Variants in ADAMTS2 observed in about 807,000 individuals in gnomAD.
ADAMTS2 encodes the protein ADAM metallopeptidase with thrombospondin type 1 motif 2.
Under a neutral mutation model 123.0 loss-of-function variants are expected in ADAMTS2, and 50 were observed. The observed-to-expected ratio is 0.41, with a 90% confidence interval of 0.32 to 0.51. The LOEUF (loss-of-function observed/expected upper bound fraction) is 0.51, where lower values mean the gene tolerates loss of function less well. Ranked by LOEUF, ADAMTS2 falls within the 20% of genes least tolerant of loss-of-function variation. The pLI is 0.35. For missense variants in ADAMTS2, 1,494 were observed against 1,705.2 expected (o/e 0.88, Z 2.18); for synonymous variants, 678 against 695.4 (o/e 0.98, Z 0.39).
At chr5:179,322,308 G>A (rs760667915) in intron 2 of ADAMTS2, among the ~76,000 whole-genome samples, 16 of 152,178 alleles carry the variant, frequency 1.1e-4, no homozygotes, top group East Asian at 5.8e-4. Flanking sequence ...ATGCACCCAC[G>A]GCCCGTGCCT....
chr5:179,245,742 G>A (rs1212609045), intron 3 of ADAMTS2, among the ~76,000 whole-genome samples: 2 of 113,734 alleles, frequency 1.8e-5, no homozygotes, highest in Non-Finnish European at 3.3e-5. Context: ...CTCCAGCCTG[G>A]GCGACAGAGC....
intron 2 of ADAMTS2, among the ~76,000 whole-genome samples, chr5:179,294,301 G>A (rs553448207): frequency 6.6e-6 from 1 of 152,266 alleles, no homozygotes; most frequent in East Asian, 1.9e-4. Context: ...GTTGATGAAG[G>A]CACGCAGCCT....
chr5:179,259,879 A>G (rs960431753), intron 3 of ADAMTS2, among the ~76,000 whole-genome samples: 1 of 152,248 alleles, frequency 6.6e-6, no homozygotes, highest in African/African-American at 2.4e-5. Flanking sequence ...CCATGAGACC[A>G]CAGGGAGGAA....
At position 179,115,082 on chromosome 5, in the gene ADAMTS2, G is replaced by A. The variant is rs146299908; in HGVS notation, c.3179-758C>T. Among the ~76,000 whole-genome samples, 5 of 152,096 alleles carry A rather than the reference G, an allele frequency of 3.3e-5. No homozygotes were observed. The South Asian group carries it at 6.2e-4, about 19-fold the overall frequency. ...CGTGCTGCCCTCACATAGATTAATC[G>A]TTCCACCCTGCACATCTTTCTCTTT... On this transcript the variant is annotated intron_variant, in intron 21 of 21. Coordinates refer to ENST00000251582, the MANE Select transcript of ADAMTS2 (RefSeq NM_014244.5). The surrounding 1 kb of genome is among the most constrained non-coding windows in gnomAD (Gnocchi z 4.4).
intron 4 of ADAMTS2, among the ~76,000 whole-genome samples, chr5:179,183,759 A>G (rs1198492766): frequency 6.6e-6 from 1 of 152,174 alleles, no homozygotes; most frequent in African/African-American, 2.4e-5. Context: ...TTGCAAGGCT[A>G]CTGCAGAGGG....
chr5:179,344,103 G>A lies in ADAMTS2; in HGVS notation c.198C>T (p.Ala66=). 1 of 1,609,386 alleles carries A rather than the reference G, an allele frequency of 6.2e-7. No homozygotes were observed. The highest frequency in any genetic ancestry group is 8.5e-7 in the Non-Finnish European group (1 of 1,178,000). ...RILAVPVRTD[A]QGRLVSHVVS... ...CCACGTGGGACACCAAGCGGCCCTG[G>A]GCGTCAGTGCGCACGGGCACCGCCA... The change falls in exon 2 of 22, where the codon GCC becomes GCT. Residue 66 remains alanine (A), a synonymous_variant. Coordinates refer to ENST00000251582, the MANE Select transcript of ADAMTS2 (RefSeq NM_014244.5).
intron 3 of ADAMTS2, among the ~76,000 whole-genome samples, chr5:179,263,492 A>G (rs1766284332): frequency 6.6e-6 from 1 of 152,218 alleles, no homozygotes; most frequent in Non-Finnish European, 1.5e-5. Flanking sequence ...CTCTCCACAC[A>G]GGCCCAGTGC....
In ADAMTS2 at chr5:179,185,700, G is replaced by A. The variant is rs114517655; in HGVS notation, c.892-4545C>T. 4.0e-3 allele frequency among the ~76,000 whole-genome samples: 604 copies of A among 152,082 alleles called. 5 individuals carry two copies. The highest frequency in any genetic ancestry group is 0.014 in the African/African-American group (570 of 41,500). ...TCACATTCTGCTTGGAGGTGGGGTC[G>A]AGGCAGCTGAGCCCTGGGGTGTCAG... On this transcript the variant is annotated intron_variant, in intron 4 of 21. Coordinates refer to ENST00000251582, the MANE Select transcript of ADAMTS2 (RefSeq NM_014244.5). This position sits in a 1 kb window ranked among gnomAD's most constrained non-coding sequence, Gnocchi z 5.9.
rs555561167 is a variant in ADAMTS2 at position 179,262,464 on chromosome 5, C to T, written c.688+10447G>A. 4.6e-5 allele frequency among the ~76,000 whole-genome samples: 7 copies of T among 152,194 alleles called. No individual in the cohort carries two copies. In the South Asian group the frequency reaches 1.0e-3, roughly 23 times the overall value. On this transcript the variant is annotated intron_variant, in intron 3 of 21. Transcript: ENST00000251582. This position sits in a 1 kb window ranked among gnomAD's most constrained non-coding sequence, Gnocchi z 5.9. ...CAGGGAATGAATTCTCACCCCGTAC[C>T]GTGACCGTCCCTTCAAAGCGATGAG... is the stretch of plus-strand genomic sequence containing the variant.
chr5:179,193,935 G>T (rs1407894791), intron 4 of ADAMTS2, among the ~76,000 whole-genome samples: 1 of 152,190 alleles, frequency 6.6e-6, no homozygotes, highest in Non-Finnish European at 1.5e-5. Context: ...CAGCCCGACA[G>T]CCCGGCGTGG....
chr5:179,230,189 G>T (rs4701083), intron 3 of ADAMTS2, among the ~76,000 whole-genome samples: 1 of 152,220 alleles, frequency 6.6e-6, no homozygotes, highest in Non-Finnish European at 1.5e-5. Flanking sequence ...AGGGCAGGCT[G>T]GGCAGGGCTG....
rs73806909 is a variant in ADAMTS2, at chr5:179,131,743, T to C, written c.2290+487A>G. ...TGAGAACATCCATATTTTCAGGAGA[T>C]ACCAGGATCCCTATTTTAGCTGGAA... On this transcript the variant is annotated intron_variant, in intron 15 of 21. Transcript: ENST00000251582. Among the ~76,000 whole-genome samples the C allele has an allele frequency of 7.0e-3, 1,065 of 152,258 alleles. 14 individuals carry two copies. The highest frequency in any genetic ancestry group is 0.024 in the African/African-American group (1,007 of 41,564).
intron 6 of ADAMTS2, among the ~76,000 whole-genome samples, chr5:179,156,027 G>A (rs955558430): frequency 5.9e-5 from 9 of 152,138 alleles, no homozygotes. Flanking sequence ...ATTTTGAGAC[G>A]AGCGTGGAGT....
chr5:179,178,268 GC>G lies in ADAMTS2; in HGVS notation c.975+2803del, dbSNP rs768089697. On this transcript the variant is annotated intron_variant, in intron 5 of 21. Coordinates refer to ENST00000251582, the MANE Select transcript of ADAMTS2 (RefSeq NM_014244.5). ...ATGGGATAGTCCAAAGATCCCCCCCGCACCTCCCCGCCTGTGAATGGAGAGC... is the reference window on the plus strand; with the variant it reads ...ATGGGATAGTCCAAAGATCCCCCCCGACCTCCCCGCCTGTGAATGGAGAGC... 7.0e-4 allele frequency among the ~76,000 whole-genome samples: 18 copies of G among 25,828 alleles called. No homozygotes were observed. The East Asian group carries it at 9.3e-3, about 13-fold the overall frequency. The allele number at this position is 25,828 out of a possible 152,430, so 16.9% of individuals were successfully genotyped here. A position where few individuals can be genotyped will look rare whatever the true frequency, so the allele number is the denominator to read the frequency against.
chr5:179,189,473 G>A lies in ADAMTS2; in HGVS notation c.892-8318C>T, dbSNP rs1458586692. Among the ~76,000 whole-genome samples the A allele has an allele frequency of 5.5e-5, 8 of 146,778 alleles. No individual in the cohort carries two copies. Among genetic ancestry groups the A allele is most frequent in the African/African-American group, 1.0e-4 (4 of 39,536 alleles). Reference sequence around the variant, plus strand: ...TGCCATTCTCTTGCCTCAGCCTCCCGAGTAGCTGGGGCTACAGGCGCCCGC... The same window carrying A: ...TGCCATTCTCTTGCCTCAGCCTCCCAAGTAGCTGGGGCTACAGGCGCCCGC... On this transcript the variant is annotated intron_variant, in intron 4 of 21. Coordinates refer to ENST00000251582, the MANE Select transcript of ADAMTS2 (RefSeq NM_014244.5). The surrounding 1 kb of genome is among the most constrained non-coding windows in gnomAD (Gnocchi z 4.2).
intron 3 of ADAMTS2, among the ~76,000 whole-genome samples, chr5:179,240,257 G>A (rs1301325741): frequency 6.6e-6 from 1 of 152,228 alleles, no homozygotes; most frequent in Non-Finnish European, 1.5e-5. Flanking sequence ...AAGAGCAGAA[G>A]CAGGGCTGAG....
Position 179,207,727 on chromosome 5 carries a change from G to A in ADAMTS2, c.689-12C>T, listed in dbSNP as rs1764739037. 6 of 1,608,652 alleles carry A rather than the reference G, an allele frequency of 3.7e-6. No homozygotes were observed. The highest frequency in any genetic ancestry group is 1.1e-5 in the South Asian group (1 of 91,078). On this transcript the variant is annotated splice_polypyrimidine_tract_variant and intron_variant, in intron 3 of 21. Transcript: ENST00000251582. Reference sequence around the variant, plus strand: ...GTCCAGGGAGGCCCCTGCAAGGAGAGGACACCGTCTTCAGCGGCAGGGCAA... The same window carrying A: ...GTCCAGGGAGGCCCCTGCAAGGAGAAGACACCGTCTTCAGCGGCAGGGCAA...
chr5:179,133,224 T>A (rs1418111004), intron 13 of ADAMTS2, among the ~76,000 whole-genome samples: 1 of 152,204 alleles, frequency 6.6e-6, no homozygotes, highest in African/African-American at 2.4e-5. Flanking sequence ...GCACCGTCCC[T>A]GGCTTGATGA....
rs2303641 is a variant in ADAMTS2, at chr5:179,122,790, G to A, written c.2959-17C>T. The A allele has an allele frequency of 0.25, 389,371 of 1,552,794 alleles. 50,780 individuals carry two copies. Among genetic ancestry groups the A allele is most frequent in the East Asian group, 0.37 (15,312 of 41,092 alleles). On this transcript the variant is annotated splice_polypyrimidine_tract_variant and intron_variant, in intron 19 of 21. Transcript: ENST00000251582. The stretch of plus-strand genomic sequence containing the variant: ...TACTGAGCACTGCAGGGGGAGAGTC[G>A]CCAGGCAGGGTTCACCTCCCACACA...
Sources: gnomAD v4.1 joint callset for allele counts (sites outside exome capture counted in the v4.1 genomes callset) on GRCh38, gnomAD v4.1.1 for gene constraint, Gnocchi (gnomAD v3.1) non-coding constraint, MANE v1.5 for transcripts, NCBI Gene and HGNC (gene_info 2026-07-23, HGNC 2026-07-21) for gene names.